Variants in CIRSR observed in about 807,000 individuals in gnomAD.
CIRSR encodes corepressor of RBPJ and splicing regulator.
chr2:174,380,896 T>G, the CIRSR span: 1 of 1,059,624 alleles, frequency 9.4e-7, no homozygotes, highest in Non-Finnish European at 1.3e-6. Flanking sequence ...GTATACACTA[T>G]GATATCATGT....
the CIRSR span, among the ~76,000 whole-genome samples, chr2:174,394,395 C>T: frequency 6.6e-6 from 1 of 152,102 alleles, no homozygotes; most frequent in African/African-American, 2.4e-5. Flanking sequence ...ATACAAGAAA[C>T]CTCTCCCTCC....
At chr2:174,389,714 G>A in the CIRSR span, among the ~76,000 whole-genome samples, 21 of 152,250 alleles carry the variant, frequency 1.4e-4, 1 homozygote, top group East Asian at 4.1e-3. Flanking sequence ...CATAGGCCTG[G>A]AGGCCTAGGA....
At chr2:174,359,990 C>T in the CIRSR span, among the ~76,000 whole-genome samples, 5 of 152,088 alleles carry the variant, frequency 3.3e-5, no homozygotes, top group Non-Finnish European at 7.3e-5. Flanking sequence ...TGTTCTCACT[C>T]ATAGGTAGGA....
the CIRSR span, among the ~76,000 whole-genome samples, chr2:174,371,724 T>C: frequency 2.0e-5 from 3 of 152,232 alleles, no homozygotes; most frequent in Non-Finnish European, 2.9e-5. Flanking sequence ...TTTCCAGTGA[T>C]CAAAGTAAGT....
the CIRSR span, among the ~76,000 whole-genome samples, chr2:174,379,988 G>A: frequency 1.3e-4 from 19 of 151,930 alleles, no homozygotes; most frequent in Non-Finnish European, 1.9e-4. Context: ...CTCCCAAAGC[G>A]CTGAAATTAC....
chr2:174,388,205 TTC>T, the CIRSR span, among the ~76,000 whole-genome samples: 105 of 152,132 alleles, frequency 6.9e-4, no homozygotes, highest in Middle Eastern at 3.4e-3. Context: ...TTGATACGAG[TTC>T]TTTTTATTTT....
chr2:174,371,313 T>A, the CIRSR span, among the ~76,000 whole-genome samples: 10 of 152,222 alleles, frequency 6.6e-5, no homozygotes, highest in Non-Finnish European at 1.5e-4. Context: ...AAAACAAACT[T>A]GCTGTTGATA....
chr2:174,380,677 T>A, the CIRSR span: 1 of 1,612,702 alleles, frequency 6.2e-7, no homozygotes, highest in Middle Eastern at 1.7e-4. Flanking sequence ...CTTTCTGCCA[T>A]TCAAATTTGT....
the CIRSR span, among the ~76,000 whole-genome samples, chr2:174,363,317 C>A: frequency 1.3e-5 from 2 of 152,158 alleles, no homozygotes; most frequent in Admixed American, 6.5e-5. Context: ...GACCCTTAAT[C>A]CTGAAAGAGG....
the CIRSR span, among the ~76,000 whole-genome samples, chr2:174,375,833 C>T: frequency 1.2e-4 from 19 of 152,080 alleles, no homozygotes; most frequent in African/African-American, 3.9e-4. Flanking sequence ...TTTATGTTTG[C>T]GTGTTCATCT....
the CIRSR span, among the ~76,000 whole-genome samples, chr2:174,386,055 ATC>A: frequency 1.3e-5 from 2 of 152,310 alleles, no homozygotes; most frequent in South Asian, 2.1e-4. Flanking sequence ...GAACACTGTG[ATC>A]TGTTTCAAAC....
At chr2:174,394,444 A>G in the CIRSR span, among the ~76,000 whole-genome samples, 5 of 150,380 alleles carry the variant, frequency 3.3e-5, no homozygotes, top group Middle Eastern at 6.8e-3. Context: ...GGTGCAGTGG[A>G]AAAAAAATCA....
the CIRSR span, among the ~76,000 whole-genome samples, chr2:174,383,153 C>T: frequency 6.6e-6 from 1 of 152,160 alleles, no homozygotes; most frequent in Non-Finnish European, 1.5e-5. Flanking sequence ...CAAAAGACCA[C>T]ATGACATATG....
chr2:174,369,899 A>G, the CIRSR span: 1 of 1,290,788 alleles, frequency 7.7e-7, no homozygotes, highest in Non-Finnish European at 1.0e-6. Context: ...GAATTATTGC[A>G]ATAATTACCA....
At chr2:174,355,947 T>A in the CIRSR span, among the ~76,000 whole-genome samples, 2 of 151,964 alleles carry the variant, frequency 1.3e-5, no homozygotes, top group African/African-American at 4.8e-5. Flanking sequence ...TAGGTCCATC[T>A]GCTCCATTCG....
chr2:174,360,818 T>C, the CIRSR span, among the ~76,000 whole-genome samples: 2 of 152,164 alleles, frequency 1.3e-5, no homozygotes, highest in African/African-American at 4.8e-5. Flanking sequence ...ATTATAATAA[T>C]GTGTATAAAT....
chr2:174,385,035 G>T, the CIRSR span, among the ~76,000 whole-genome samples: 1 of 151,958 alleles, frequency 6.6e-6, no homozygotes, highest in Non-Finnish European at 1.5e-5. Flanking sequence ...CACAGTGAGT[G>T]AGAGACCCTG....
At chr2:174,380,921 T>C in the CIRSR span, 1 of 881,272 alleles carries the variant, frequency 1.1e-6, no homozygotes, top group Non-Finnish European at 1.7e-6. Context: ...TAATTGTCAC[T>C]TGTAAGAATT....
chr2:174,349,734 T>C, the CIRSR span, among the ~76,000 whole-genome samples: 1 of 152,164 alleles, frequency 6.6e-6, no homozygotes, highest in South Asian at 2.1e-4. Flanking sequence ...TAATGACTAC[T>C]TTTTTGTTAA....
Sources: allele counts gnomAD v4.1 joint callset (sites outside exome capture counted in the v4.1 genomes callset), GRCh38; gene constraint gnomAD v4.1.1; transcripts MANE v1.5; gene names NCBI Gene and HGNC (gene_info 2026-07-23, HGNC 2026-07-21).